PDZRN4: variants seen among roughly 807,000 people sequenced by gnomAD.
PDZRN4 encodes PDZ domain-containing RING finger protein 4.
In PDZRN4, 70 loss-of-function variants were observed where a neutral mutation model predicts 99.0. The observed-to-expected ratio is 0.71, with a 90% CI of 0.58 to 0.86. The LOEUF (loss-of-function observed/expected upper bound fraction) is 0.86, where lower values mean the gene tolerates loss of function less well. Among genes scored for constraint, PDZRN4 ranks in the 40% least tolerant of loss-of-function variants. The pLI, the probability that PDZRN4 is intolerant of heterozygous loss-of-function variation, is 0.00. For synonymous variants in PDZRN4, 551 were observed against 501.6 expected, an observed-to-expected ratio of 1.10 and a Z score of -1.32; for missense variants, 1,474 against 1,331.2, an observed-to-expected ratio of 1.11 and a Z score of -1.67.
At chr12:41,414,773 G>A (rs1952430077) in intron 3 of PDZRN4, among the ~76,000 whole-genome samples, 1 of 152,136 alleles carries the variant, frequency 6.6e-6, no homozygotes, top group Admixed American at 6.6e-5. Flanking sequence ...ATGCTACAAA[G>A]ATGTGTAGCA....
At chr12:41,325,171 A>T (rs955742722) in intron 3 of PDZRN4, among the ~76,000 whole-genome samples, 1 of 152,164 alleles carries the variant, frequency 6.6e-6, no homozygotes, top group African/African-American at 2.4e-5. Flanking sequence ...AGTATCCTTG[A>T]TAATAAATAT....
chr12:41,199,658 C>A (rs1950801779), intron 3 of PDZRN4, among the ~76,000 whole-genome samples: 1 of 152,108 alleles, frequency 6.6e-6, no homozygotes, highest in Non-Finnish European at 1.5e-5. Context: ...TGCCTATATA[C>A]ACCATAGAAT....
intron 3 of PDZRN4, among the ~76,000 whole-genome samples, chr12:41,359,750 C>A (rs1270555671): frequency 6.6e-6 from 1 of 151,974 alleles, no homozygotes; most frequent in Non-Finnish European, 1.5e-5. Flanking sequence ...ATCAATTAAA[C>A]CTCTTTCCTT....
chr12:41,513,352 A>T (rs942385989), intron 5 of PDZRN4, among the ~76,000 whole-genome samples: 1 of 152,014 alleles, frequency 6.6e-6, no homozygotes, highest in East Asian at 1.9e-4. Context: ...CCAATTTCCT[A>T]AGAAAAATAT....
At chr12:41,464,369 G>T (rs1477408024) in intron 3 of PDZRN4, among the ~76,000 whole-genome samples, 1 of 151,974 alleles carries the variant, frequency 6.6e-6, no homozygotes, top group Non-Finnish European at 1.5e-5. Context: ...AAGTTCAAGT[G>T]AACAGAATAG....
intron 3 of PDZRN4, among the ~76,000 whole-genome samples, chr12:41,491,286 G>A (rs1470821926): frequency 3.3e-5 from 5 of 152,124 alleles, no homozygotes. Flanking sequence ...ACTTTGGGAG[G>A]CCGAGGAGGG....
At chr12:41,393,395 A>G (rs1276370426) in intron 3 of PDZRN4, among the ~76,000 whole-genome samples, 2 of 152,164 alleles carry the variant, frequency 1.3e-5, no homozygotes, top group Non-Finnish European at 2.9e-5. Context: ...TAGCAAGTAC[A>G]TATTTAAAAA....
At chr12:41,476,052 C>G (rs890361208) in intron 3 of PDZRN4, among the ~76,000 whole-genome samples, 1 of 152,220 alleles carries the variant, frequency 6.6e-6, no homozygotes, top group Non-Finnish European at 1.5e-5. Flanking sequence ...CATACACACA[C>G]AGGGAGCATA....
At chr12:41,312,068 G>A (rs145802895) in intron 3 of PDZRN4, among the ~76,000 whole-genome samples, 9 of 152,240 alleles carry the variant, frequency 5.9e-5, no homozygotes, top group Admixed American at 4.6e-4. Context: ...TTCTCAGTCA[G>A]TGTTAGGGTT....
In PDZRN4 at chr12:41,464,820, C is replaced by CTTTTTT. The variant is rs5797739; in HGVS notation, c.844-41620_844-41615dup. ...AATAAATGTTATAGTGCCTGTTGTA[C>CTTTTTT]TTTTTTTTTTTTTTTTTTTTTGAGA... On this transcript the variant is annotated intron_variant, in intron 3 of 9. Coordinates refer to ENST00000402685, the MANE Select transcript of PDZRN4 (RefSeq NM_001164595.2). 6.3e-4 allele frequency among the ~76,000 whole-genome samples: 66 copies of CTTTTTT among 104,808 alleles called. 2 individuals carry two copies. The highest frequency in any genetic ancestry group is 1.7e-3 in the African/African-American group (46 of 26,870). 68.8% of individuals were successfully genotyped at this position (104,808 alleles called of 152,430 possible). A position where few individuals can be genotyped will look rare whatever the true frequency, so the allele number is the denominator to read the frequency against.
At chr12:41,217,716 G>C (rs1950930571) in intron 3 of PDZRN4, among the ~76,000 whole-genome samples, 1 of 151,946 alleles carries the variant, frequency 6.6e-6, no homozygotes, top group South Asian at 2.1e-4. Context: ...CTTCTTGCTT[G>C]TTTCCTTCCT....
chr12:41,450,131 C>T (rs1952762991), intron 3 of PDZRN4, among the ~76,000 whole-genome samples: 1 of 152,108 alleles, frequency 6.6e-6, no homozygotes, highest in South Asian at 2.1e-4. Context: ...AAACTTTAAG[C>T]TTTAAATAAA....
At chr12:41,537,638 G>A (rs1938771408) in intron 5 of PDZRN4, among the ~76,000 whole-genome samples, 1 of 152,120 alleles carries the variant, frequency 6.6e-6, no homozygotes, top group South Asian at 2.1e-4. Flanking sequence ...CTGTAAGGAT[G>A]TAATGATGTG....
At chr12:41,560,649 C>T (rs950477254) in intron 7 of PDZRN4, among the ~76,000 whole-genome samples, 4 of 152,178 alleles carry the variant, frequency 2.6e-5, no homozygotes, top group Non-Finnish European at 4.4e-5. Context: ...GCTGGGTCCT[C>T]CACTTCCATG....
chr12:41,448,425 G>A (rs994664556), intron 3 of PDZRN4, among the ~76,000 whole-genome samples: 15 of 152,030 alleles, frequency 9.9e-5, no homozygotes, highest in African/African-American at 3.4e-4. Context: ...ACTGAGTCCA[G>A]GACAGAGTCA....
chr12:41,336,823 G>C (rs575685083), intron 3 of PDZRN4, among the ~76,000 whole-genome samples: 1 of 152,048 alleles, frequency 6.6e-6, no homozygotes, highest in African/African-American at 2.4e-5. Context: ...TCCTAGGTGG[G>C]ATGGCAGAAC....
Position 41,435,482 on chromosome 12 carries a change from G to A in PDZRN4, c.844-70974G>A, listed in dbSNP as rs187556818. Among the ~76,000 whole-genome samples the A allele has an allele frequency of 7.1e-4, 108 of 152,214 alleles. 1 individual carries two copies. The highest frequency in any genetic ancestry group is 2.0e-3 in the African/African-American group (84 of 41,534). On this transcript the variant is annotated intron_variant, in intron 3 of 9. Coordinates refer to ENST00000402685, the MANE Select transcript of PDZRN4 (RefSeq NM_001164595.2). ...TTACTGCACTCTAATTCCTTGATCT[G>A]ACTTTTAAAAAAATACAGAGTATGG...
chr12:41,378,520 A>ATTTTTTTTTTTTTTTTTTTTTTTTT (rs71081733), intron 3 of PDZRN4, among the ~76,000 whole-genome samples: 7 of 102,860 alleles, frequency 6.8e-5, no homozygotes, highest in African/African-American at 2.6e-4. Context: ...TCTGTCTTCA[A>ATTTTTTTTTTTTTTTTTTTTTTTTT]TTTTTTTTTT....
intron 3 of PDZRN4, among the ~76,000 whole-genome samples, chr12:41,495,828 C>A (rs1292678909): frequency 6.6e-6 from 1 of 152,042 alleles, no homozygotes; most frequent in African/African-American, 2.4e-5. Flanking sequence ...CATGCCTCAA[C>A]CCTGGGGTTC....
Sources: allele counts gnomAD v4.1 joint callset (sites outside exome capture counted in the v4.1 genomes callset), GRCh38; gene constraint gnomAD v4.1.1; transcripts MANE v1.5; gene names NCBI Gene and HGNC (gene_info 2026-07-23, HGNC 2026-07-21).